MACROD2: variants seen among roughly 807,000 people sequenced by gnomAD.
MACROD2 encodes the protein mono-ADP ribosylhydrolase 2.
Under a neutral mutation model 70.4 loss-of-function variants are expected in MACROD2, and 36 were observed. That is an observed-to-expected ratio of 0.51 (90% CI 0.39 to 0.68). The LOEUF (loss-of-function observed/expected upper bound fraction) is 0.68, where lower values mean the gene tolerates loss of function less well. MACROD2 is among the 30% of genes least tolerant of loss of function. The pLI is 0.00. For missense variants in MACROD2, 496 were observed against 538.4 expected (o/e 0.92, Z 0.78); for synonymous variants, 172 against 178.8 (o/e 0.96, Z 0.30).
intron 8 of MACROD2, among the ~76,000 whole-genome samples, chr20:15,698,325 A>T (rs1208662545): frequency 6.6e-6 from 1 of 152,082 alleles, no homozygotes; most frequent in African/African-American, 2.4e-5. Context: ...CCTTTCCTTC[A>T]TATATGATGG....
At chr20:14,099,564 A>G (rs187369023) in intron 3 of MACROD2, among the ~76,000 whole-genome samples, 179 of 152,342 alleles carry the variant, frequency 1.2e-3, no homozygotes, top group Non-Finnish European at 1.8e-3. Context: ...CACAACTTAT[A>G]TATCCTATCT....
At chr20:15,150,742 G>A (rs1568602939) in intron 5 of MACROD2, among the ~76,000 whole-genome samples, 2 of 151,914 alleles carry the variant, frequency 1.3e-5, no homozygotes, top group Admixed American at 6.5e-5. Flanking sequence ...GCAATGAGAT[G>A]TGGCTGTAGT....
intron 3 of MACROD2, among the ~76,000 whole-genome samples, chr20:14,341,329 T>C (rs1387637850): frequency 6.6e-6 from 1 of 152,184 alleles, no homozygotes; most frequent in African/African-American, 2.4e-5. Flanking sequence ...GAATAAAATC[T>C]TCAAAATTGT....
intron 5 of MACROD2, among the ~76,000 whole-genome samples, chr20:14,743,600 T>C (rs1343438582): frequency 1.3e-5 from 2 of 152,196 alleles, no homozygotes; most frequent in Non-Finnish European, 2.9e-5. Flanking sequence ...GTTGGACTTA[T>C]GTCATACAGA....
intron 4 of MACROD2, among the ~76,000 whole-genome samples, chr20:14,670,383 C>A (rs1333497885): frequency 6.6e-6 from 1 of 152,166 alleles, no homozygotes; most frequent in Non-Finnish European, 1.5e-5. Context: ...GGTCCCATGG[C>A]TACCAGTCTG....
intron 1 of MACROD2, among the ~76,000 whole-genome samples, chr20:13,997,059 C>T (rs753662925): frequency 2.6e-5 from 4 of 151,810 alleles, no homozygotes; most frequent in African/African-American, 7.3e-5. Context: ...TTCCACAATG[C>T]ACGAACAAAG....
intron 6 of MACROD2, among the ~76,000 whole-genome samples, chr20:15,268,170 T>G (rs552510478): frequency 6.6e-6 from 1 of 150,606 alleles, no homozygotes; most frequent in South Asian, 2.1e-4. Context: ...GAGGGGAGAG[T>G]TTTAGTTTCT....
chr20:15,654,622 G>A (rs2049700265), intron 8 of MACROD2, among the ~76,000 whole-genome samples: 1 of 152,204 alleles, frequency 6.6e-6, no homozygotes, highest in Admixed American at 6.5e-5. Context: ...GGGGGAGTGG[G>A]GAAATGGTTA....
intron 6 of MACROD2, among the ~76,000 whole-genome samples, chr20:15,343,310 T>G (rs1264449629): frequency 1.3e-5 from 2 of 152,330 alleles, no homozygotes; most frequent in Non-Finnish European, 2.9e-5. Context: ...CCAAAGTGCC[T>G]ACTGCAAGCA....
chr20:14,044,280 G>A (rs1004919549), intron 2 of MACROD2, among the ~76,000 whole-genome samples: 3 of 151,568 alleles, frequency 2.0e-5, no homozygotes, highest in African/African-American at 7.3e-5. Context: ...TCGTGGTCTC[G>A]CTGGCTTCAG....
chr20:15,465,919 G>A (rs983272741), intron 7 of MACROD2, among the ~76,000 whole-genome samples: 4 of 152,140 alleles, frequency 2.6e-5, no homozygotes, highest in African/African-American at 9.7e-5. Flanking sequence ...ATCAGACAGG[G>A]TCCTCAGCTC....
intron 3 of MACROD2, among the ~76,000 whole-genome samples, chr20:14,280,774 G>A (rs2082300371): frequency 6.6e-6 from 1 of 152,108 alleles, no homozygotes; most frequent in South Asian, 2.1e-4. Context: ...GACCCTCTTT[G>A]GGATGACGTT....
At chr20:15,354,605 G>A (rs893609591) in intron 6 of MACROD2, among the ~76,000 whole-genome samples, 23 of 151,800 alleles carry the variant, frequency 1.5e-4, no homozygotes, top group African/African-American at 2.7e-4. Flanking sequence ...TATATCTATC[G>A]GCCCAGTAAT....
intron 5 of MACROD2, among the ~76,000 whole-genome samples, chr20:14,694,729 G>C (rs2071102361): frequency 6.6e-6 from 1 of 152,104 alleles, no homozygotes; most frequent in Non-Finnish European, 1.5e-5. Context: ...AAATATGGAA[G>C]TCCCAGATAG....
chr20:15,397,661 G>A (rs1481338303), intron 6 of MACROD2, among the ~76,000 whole-genome samples: 1 of 152,134 alleles, frequency 6.6e-6, no homozygotes. Flanking sequence ...GTAGATCTTA[G>A]AAGTGAAAGA....
At chr20:15,405,073 A>C (rs1315785876) in intron 6 of MACROD2, among the ~76,000 whole-genome samples, 1 of 152,210 alleles carries the variant, frequency 6.6e-6, no homozygotes, top group Admixed American at 6.5e-5. Flanking sequence ...TAAAATGTCC[A>C]AAATAGGCAA....
At chr20:14,234,883 T>C (rs2081854540) in intron 3 of MACROD2, among the ~76,000 whole-genome samples, 1 of 152,236 alleles carries the variant, frequency 6.6e-6, no homozygotes, top group African/African-American at 2.4e-5. Flanking sequence ...CTCATTGTTT[T>C]GGATATACAG....
intron 5 of MACROD2, among the ~76,000 whole-genome samples, chr20:15,177,488 A>G (rs1321740747): frequency 6.6e-6 from 1 of 152,236 alleles, no homozygotes; most frequent in Non-Finnish European, 1.5e-5. Flanking sequence ...CACACATGTC[A>G]GAGCTGCTGC....
chr20:14,982,075 G>T (rs2423898), intron 5 of MACROD2, among the ~76,000 whole-genome samples: 1 of 152,134 alleles, frequency 6.6e-6, no homozygotes, highest in African/African-American at 2.4e-5. Context: ...GGAGGAACTT[G>T]TTGGGAACTG....
Sources: gnomAD v4.1 joint callset for allele counts (sites outside exome capture counted in the v4.1 genomes callset) on GRCh38, gnomAD v4.1.1 for gene constraint, MANE v1.5 for transcripts, NCBI Gene and HGNC (gene_info 2026-07-23, HGNC 2026-07-21) for gene names.